Variants in GLIS3 observed in about 807,000 individuals in gnomAD.
GLIS3 encodes zinc finger protein GLIS3.
Under a neutral mutation model 78.6 loss-of-function variants are expected in GLIS3, and 53 were observed. The observed-to-expected ratio is 0.67, with a 90% confidence interval of 0.54 to 0.85. The LOEUF (loss-of-function observed/expected upper bound fraction) is 0.85, where lower values mean the gene tolerates loss of function less well. Ranked by LOEUF, GLIS3 falls within the 40% of genes least tolerant of loss-of-function variation. The pLI is 0.00. For missense variants in GLIS3, 1,703 were observed against 1,231.1 expected (o/e 1.38, Z -5.74); for synonymous variants, 684 against 509.9 (o/e 1.34, Z -4.60).
chr9:4,085,081 C>T (rs1404969814), intron 4 of GLIS3, among the ~76,000 whole-genome samples: 1 of 152,000 alleles, frequency 6.6e-6, no homozygotes, highest in Non-Finnish European at 1.5e-5. Context: ...AACAACAAAA[C>T]AGCTTGCAAA....
At chr9:4,323,693 A>G (rs1817567498) in intron 2 of GLIS3, among the ~76,000 whole-genome samples, 1 of 152,208 alleles carries the variant, frequency 6.6e-6, no homozygotes. Flanking sequence ...CATTACCACC[A>G]TAGCAGCCTC....
chr9:4,176,648 A>G lies in GLIS3; in HGVS notation c.389-50707T>C, dbSNP rs140989645. ...TTTCTCCTTTTTTATCTTGAGACAC[A>G]GTTTTGCTCTTGTCACCCAGGCTAC... On this transcript the variant is annotated intron_variant, in intron 2 of 10. Transcript: ENST00000381971. 2.6e-3 allele frequency among the ~76,000 whole-genome samples: 395 copies of G among 152,008 alleles called. 4 individuals are homozygous for G. Among genetic ancestry groups the G allele is most frequent in the African/African-American group, 8.8e-3 (366 of 41,474 alleles).
chr9:4,219,934 TA>T (rs1273481224), intron 2 of GLIS3, among the ~76,000 whole-genome samples: 1 of 152,110 alleles, frequency 6.6e-6, no homozygotes, highest in Non-Finnish European at 1.5e-5. Flanking sequence ...CACTGTCCAC[TA>T]AAAGTAACCA....
chr9:3,890,556 C>G (rs1822363485), intron 7 of GLIS3, among the ~76,000 whole-genome samples: 1 of 152,066 alleles, frequency 6.6e-6, no homozygotes, highest in Non-Finnish European at 1.5e-5. Flanking sequence ...GGGGAGTGTA[C>G]TAAACTCTTT....
intron 7 of GLIS3, among the ~76,000 whole-genome samples, chr9:3,881,726 A>C (rs114306376): frequency 6.6e-6 from 1 of 152,306 alleles, no homozygotes; most frequent in East Asian, 1.9e-4. Context: ...TTCCATATTG[A>C]TAAGTGTCTA....
chr9:4,464,365 T>C, the GLIS3 span, among the ~76,000 whole-genome samples: 1 of 151,514 alleles, frequency 6.6e-6, no homozygotes, highest in African/African-American at 2.4e-5. Flanking sequence ...CTTTTATTTA[T>C]TTATTTTTTA....
chr9:4,287,264 C>G (rs1828080882), intron 1 of GLIS3, among the ~76,000 whole-genome samples: 1 of 152,132 alleles, frequency 6.6e-6, no homozygotes, highest in Admixed American at 6.5e-5. Flanking sequence ...GAGAGAACGT[C>G]CCTTCTAAAA....
intron 4 of GLIS3, among the ~76,000 whole-genome samples, chr9:3,980,831 C>A (rs1247803778): frequency 6.6e-6 from 1 of 151,648 alleles, no homozygotes; most frequent in East Asian, 1.9e-4. Flanking sequence ...TCTTCTTCTT[C>A]TTTTTTTCTG....
At chr9:4,329,147 G>A (rs1817646449) in intron 2 of GLIS3, among the ~76,000 whole-genome samples, 1 of 152,132 alleles carries the variant, frequency 6.6e-6, no homozygotes, top group South Asian at 2.1e-4. Context: ...TGAGATCGAA[G>A]AATTTTCTAC....
At chr9:4,391,035 C>G in the GLIS3 span, among the ~76,000 whole-genome samples, 8 of 152,226 alleles carry the variant, frequency 5.3e-5, no homozygotes, top group Non-Finnish European at 5.9e-5. Context: ...GTCTTCTCCT[C>G]TGTTTGGATG....
chr9:4,048,883 A>T (rs893111628), intron 4 of GLIS3, among the ~76,000 whole-genome samples: 4 of 152,176 alleles, frequency 2.6e-5, no homozygotes, highest in Non-Finnish European at 5.9e-5. Flanking sequence ...TAGACCTCCT[A>T]ACAACCATCT....
chr9:4,266,703 T>C (rs1348189000), intron 2 of GLIS3, among the ~76,000 whole-genome samples: 10 of 152,122 alleles, frequency 6.6e-5, no homozygotes, highest in Admixed American at 5.2e-4. Flanking sequence ...TGATACATAG[T>C]TATTTTACTC....
At chr9:4,086,471 C>G (rs1829029566) in intron 4 of GLIS3, among the ~76,000 whole-genome samples, 2 of 152,358 alleles carry the variant, frequency 1.3e-5, no homozygotes, top group South Asian at 4.1e-4. Context: ...CGACCTAACA[C>G]AGCACCTGGC....
the GLIS3 span, among the ~76,000 whole-genome samples, chr9:4,358,914 C>G: frequency 6.6e-6 from 1 of 152,176 alleles, no homozygotes; most frequent in Non-Finnish European, 1.5e-5. Context: ...CTCTCCCACT[C>G]CAAGACTTTC....
chr9:4,451,622 A>G, the GLIS3 span, among the ~76,000 whole-genome samples: 1 of 152,178 alleles, frequency 6.6e-6, no homozygotes, highest in African/African-American at 2.4e-5. Context: ...CAGCAAACGT[A>G]AAATAACAAA....
intron 2 of GLIS3, among the ~76,000 whole-genome samples, chr9:4,201,253 A>T (rs1006822982): frequency 1.3e-5 from 2 of 152,212 alleles, no homozygotes; most frequent in Non-Finnish European, 2.9e-5. Context: ...ACCTAAAAGC[A>T]TTCCCTTGAA....
At chr9:4,214,746 T>C (rs1820671551) in intron 2 of GLIS3, among the ~76,000 whole-genome samples, 1 of 152,228 alleles carries the variant, frequency 6.6e-6, no homozygotes, top group African/African-American at 2.4e-5. Context: ...AAATGAAATT[T>C]TCCTTAGCTA....
chr9:4,196,993 C>T (rs2145783), intron 2 of GLIS3, among the ~76,000 whole-genome samples: 2 of 152,188 alleles, frequency 1.3e-5, no homozygotes, highest in Admixed American at 6.5e-5. Context: ...GACCAGCAGC[C>T]TAAGCCACCC....
the GLIS3 span, among the ~76,000 whole-genome samples, chr9:4,473,466 A>AAAAAAAAAAAAAAAAAAAAAAG: frequency 7.4e-6 from 1 of 135,414 alleles, no homozygotes; most frequent in Non-Finnish European, 1.6e-5. Flanking sequence ...ACAACAAAAA[A>AAAAAAAAAAAAAAAAAAAAAAG]AAAGGATCAT....
Sources: gnomAD v4.1 joint callset for allele counts (sites outside exome capture counted in the v4.1 genomes callset) on GRCh38, gnomAD v4.1.1 for gene constraint, MANE v1.5 for transcripts, NCBI Gene and HGNC (gene_info 2026-07-23, HGNC 2026-07-21) for gene names.